SULF2: variants seen among roughly 807,000 people sequenced by gnomAD.
The protein encoded by SULF2 is extracellular sulfatase Sulf-2.
A neutral mutation model predicts 107.7 loss-of-function variants in SULF2; 52 were observed. The observed-to-expected ratio is 0.48, with a 90% CI of 0.39 to 0.61. The LOEUF is 0.61. Ranked by LOEUF, SULF2 falls within the 20% of genes least tolerant of loss-of-function variation. The pLI, the probability that SULF2 is intolerant of heterozygous loss-of-function variation, is 0.00. For missense variants in SULF2, 993 were observed against 1,177.3 expected, an observed-to-expected ratio of 0.84 and a Z score of 2.29; for synonymous variants, 460 against 464.3, an observed-to-expected ratio of 0.99 and a Z score of 0.12.
chr20:47,736,815 G>A lies in SULF2; in HGVS notation c.303C>T (p.Val101=). The A allele has an allele frequency of 6.2e-7, 1 of 1,614,196 alleles. No homozygotes were observed. ...SRSSILTGKY[V]HNHNTYTNNE... ...TGTTGGTGTAGGTGTTGTGGTTGTG[G>A]ACGTACTTGCCAGTGAGGATGGAGG... The change falls in exon 3 of 21, where the codon GTC becomes GTT. Residue 101 remains valine, a synonymous_variant. Coordinates refer to ENST00000688720, the MANE Select transcript of SULF2 (RefSeq NM_001387048.1).
At chr20:47,775,439 C>G (rs2090707474) in intron 1 of SULF2, among the ~76,000 whole-genome samples, 1 of 152,172 alleles carries the variant, frequency 6.6e-6, no homozygotes, top group Admixed American at 6.5e-5. Context: ...ACCACCTGGT[C>G]AAACCACAGA....
chr20:47,776,902 T>C (rs1333007135), intron 1 of SULF2, among the ~76,000 whole-genome samples: 1 of 152,240 alleles, frequency 6.6e-6, no homozygotes, highest in Non-Finnish European at 1.5e-5. Flanking sequence ...CCCTGAGCAG[T>C]CACCTTCGAG....
rs199660759 is a variant in SULF2 at position 47,731,185 on chromosome 20, C to CTTTTTT, written c.415+5517_415+5518insAAAAAA. On this transcript the variant is annotated intron_variant, in intron 3 of 20. Transcript: ENST00000688720. ...TCTGCCTGCTACTCACCTGTATCTTCTCTTTTTTTTTTTTTTTTTTTTTTT... is the reference window on the plus strand; with the variant it reads ...TCTGCCTGCTACTCACCTGTATCTTCTTTTTTTCTTTTTTTTTTTTTTTTTTTTTTT... Among the ~76,000 whole-genome samples the CTTTTTT allele has an allele frequency of 4.3e-3, 399 of 93,146 alleles. 7 individuals are homozygous for CTTTTTT. Among genetic ancestry groups the CTTTTTT allele is most frequent in the East Asian group, 8.2e-3 (26 of 3,190 alleles). 61.1% of individuals were successfully genotyped at this position (93,146 alleles called of 152,430 possible).
chr20:47,722,540 G>C (rs892993057), intron 3 of SULF2, among the ~76,000 whole-genome samples: 1 of 152,044 alleles, frequency 6.6e-6, no homozygotes, highest in Non-Finnish European at 1.5e-5. Context: ...GGGATTACAC[G>C]TGTGAGCCAC....
intron 2 of SULF2, among the ~76,000 whole-genome samples, chr20:47,752,417 C>T (rs187967845): frequency 2.2e-4 from 33 of 152,150 alleles, no homozygotes; most frequent in African/African-American, 6.3e-4. Flanking sequence ...CAACTTTACT[C>T]GGAGTATTTT....
intron 1 of SULF2, among the ~76,000 whole-genome samples, chr20:47,763,712 T>TA (rs2090465131): frequency 6.6e-6 from 1 of 152,152 alleles, no homozygotes; most frequent in South Asian, 2.1e-4. Context: ...ACTTTACAAA[T>TA]ACGTATGAAG....
intron 1 of SULF2, among the ~76,000 whole-genome samples, chr20:47,767,594 G>A (rs919400804): frequency 4.6e-5 from 7 of 152,162 alleles, no homozygotes; most frequent in Non-Finnish European, 7.4e-5. Context: ...TGGTTAATGC[G>A]GTGAAACCCC....
rs1344903248 is a variant in SULF2, at chr20:47,680,550, G to C, written c.1065-1746C>G. On this transcript the variant is annotated intron_variant, in intron 7 of 20. Coordinates refer to ENST00000688720, the MANE Select transcript of SULF2 (RefSeq NM_001387048.1). This position sits in a 1 kb window ranked among gnomAD's most constrained non-coding sequence, Gnocchi z 4.2. ...CTAGTTCCCTGGGGACCAGGGCAGG[G>C]CCTGGGTCCTAGGGTTTCCGTCATC... is the stretch of plus-strand genomic sequence containing the variant. 6.6e-6 allele frequency among the ~76,000 whole-genome samples: 1 copy of C among 152,224 alleles called. No individual in the cohort carries two copies.
At chr20:47,692,485 A>C (rs1471024196) in intron 4 of SULF2, among the ~76,000 whole-genome samples, 2 of 152,258 alleles carry the variant, frequency 1.3e-5, no homozygotes, top group Non-Finnish European at 2.9e-5. Flanking sequence ...ATCATAGCTC[A>C]GTGTAACCCT....
At position 47,769,573 on chromosome 20, in the gene SULF2, C is replaced by T. The variant is rs186636498; in HGVS notation, c.-100-12110G>A. 5.3e-4 allele frequency among the ~76,000 whole-genome samples: 81 copies of T among 152,218 alleles called. No homozygotes were observed. In the East Asian group the frequency reaches 0.014, roughly 25 times the overall value. On this transcript the variant is annotated intron_variant, in intron 1 of 20. Transcript: ENST00000688720. ...CAGGGGCTGTCTCTTGGTTGCCTGA[C>T]GCCACGGCCCCAGCTCCTGGCAGAG...
At chr20:47,699,077 G>A (rs2088477960) in intron 4 of SULF2, among the ~76,000 whole-genome samples, 1 of 152,318 alleles carries the variant, frequency 6.6e-6, no homozygotes, top group South Asian at 2.1e-4. Context: ...TAGCAAGCTT[G>A]GAGGTTGAAA....
intron 3 of SULF2, among the ~76,000 whole-genome samples, chr20:47,707,930 G>A (rs528334880): frequency 1.1e-4 from 16 of 152,158 alleles, no homozygotes; most frequent in Non-Finnish European, 2.1e-4. Context: ...ACAATCTAGG[G>A]TAAAATGTTA....
Position 47,676,473 on chromosome 20 carries a change from G to A in SULF2, c.1380+21C>T, listed in dbSNP as rs746599616. The A allele has an allele frequency of 5.0e-6, 8 of 1,603,612 alleles. No homozygotes were observed. In the Admixed American group the frequency reaches 1.0e-4, roughly 20 times the overall value. ...TGCAGTCAGGAGGGGGAGCCGTTGGGAGGGAAGGGAGCCTTCTTACCTGTC... is the reference window on the plus strand; with the variant it reads ...TGCAGTCAGGAGGGGGAGCCGTTGGAAGGGAAGGGAGCCTTCTTACCTGTC... On this transcript the variant is annotated intron_variant, in intron 10 of 20. Coordinates refer to ENST00000688720, the MANE Select transcript of SULF2 (RefSeq NM_001387048.1).
At chr20:47,696,378 CATTTGATTAGATT>C in intron 4 of SULF2, among the ~76,000 whole-genome samples, 1 of 144,188 alleles carries the variant, frequency 6.9e-6, no homozygotes, top group South Asian at 2.3e-4. Flanking sequence ...AGTGAAGTCT[CATTTGATTAGATT>C]ACTCCTTACC....
chr20:47,719,048 G>T (rs2146685981), intron 3 of SULF2, among the ~76,000 whole-genome samples: 1 of 152,308 alleles, frequency 6.6e-6, no homozygotes, highest in Non-Finnish European at 1.5e-5. Flanking sequence ...CTTCAATTAT[G>T]AATGATGGTC....
At chr20:47,698,332 T>C (rs1222147341) in intron 4 of SULF2, among the ~76,000 whole-genome samples, 4 of 152,192 alleles carry the variant, frequency 2.6e-5, no homozygotes, top group Non-Finnish European at 5.9e-5. Context: ...ATGTGACTTA[T>C]AGTCCAGGGA....
chr20:47,722,396 G>C (rs2089319428), intron 3 of SULF2, among the ~76,000 whole-genome samples: 1 of 152,070 alleles, frequency 6.6e-6, no homozygotes, highest in South Asian at 2.1e-4. Flanking sequence ...AAAGAGCTGG[G>C]ACCACAGGTG....
intron 2 of SULF2, 47 bp downstream of exon 2, chr20:47,757,142 C>G (rs750155979): frequency 1.3e-6 from 2 of 1,499,674 alleles, no homozygotes; most frequent in South Asian, 1.3e-5. Context: ...AACCCAGGGA[C>G]CCTGCTCCGA....
intron 1 of SULF2, among the ~76,000 whole-genome samples, chr20:47,770,844 G>A (rs2146966457): frequency 6.6e-6 from 1 of 152,296 alleles, no homozygotes; most frequent in Admixed American, 6.5e-5. Flanking sequence ...GCCTTGCAGT[G>A]GGGTCTGATT....
Sources: gnomAD v4.1 joint callset for allele counts (sites outside exome capture counted in the v4.1 genomes callset) on GRCh38, gnomAD v4.1.1 for gene constraint, Gnocchi (gnomAD v3.1) non-coding constraint, MANE v1.5 for transcripts, NCBI Gene and HGNC (gene_info 2026-07-23, HGNC 2026-07-21) for gene names.